Variants in FBXL7 observed in about 807,000 individuals in gnomAD.
FBXL7 encodes the protein F-box/LRR-repeat protein 7.
In FBXL7, 12 loss-of-function variants were observed where a neutral mutation model predicts 38.3. That is an observed-to-expected ratio of 0.31 (90% CI 0.20 to 0.51). The LOEUF (loss-of-function observed/expected upper bound fraction) is 0.51. FBXL7 is among the 20% of genes least tolerant of loss of function. The pLI, the probability that FBXL7 is intolerant of heterozygous loss-of-function variation, is 0.98. For missense variants in FBXL7, 567 were observed against 676.4 expected (o/e 0.84, Z 1.79); for synonymous variants, 297 against 300.9 (o/e 0.99, Z 0.13).
At chr5:15,648,073 G>A (rs1427617432) in intron 2 of FBXL7, among the ~76,000 whole-genome samples, 3 of 152,232 alleles carry the variant, frequency 2.0e-5, no homozygotes, top group Non-Finnish European at 4.4e-5. Context: ...TAATGGAAAC[G>A]TGACATGAGG....
At chr5:15,716,924 G>A (rs960418942) in intron 2 of FBXL7, among the ~76,000 whole-genome samples, 20 of 152,116 alleles carry the variant, frequency 1.3e-4, no homozygotes, top group African/African-American at 4.8e-4. Flanking sequence ...TTTAGAGAAA[G>A]CGGTCTAGTC....
In FBXL7 at chr5:15,733,354, G is replaced by A. The variant is rs185632399; in HGVS notation, c.127+117282G>A. On this transcript the variant is annotated intron_variant, in intron 2 of 3. Coordinates refer to ENST00000504595, the MANE Select transcript of FBXL7 (RefSeq NM_012304.5). The stretch of plus-strand genomic sequence containing the variant: ...GATCCACCCGCCTCAGCCTCCCAAA[G>A]TGCTGGGATTACAGGCGTGAGCCAC... 5.9e-3 allele frequency among the ~76,000 whole-genome samples: 875 copies of A among 148,974 alleles called. 4 individuals carry two copies. The highest frequency in any genetic ancestry group is 0.021 in the African/African-American group (831 of 40,438).
At chr5:15,797,990 C>T (rs529524940) in intron 2 of FBXL7, among the ~76,000 whole-genome samples, 1 of 152,172 alleles carries the variant, frequency 6.6e-6, no homozygotes, top group Admixed American at 6.5e-5. Context: ...GTGGTTCCTC[C>T]CTATTTCTCC....
Position 15,830,448 on chromosome 5 carries a change from T to C in FBXL7, c.128-97442T>C, listed in dbSNP as rs553893036. 9.7e-4 allele frequency among the ~76,000 whole-genome samples: 146 copies of C among 150,922 alleles called. 1 individual carries two copies. The highest frequency in any genetic ancestry group is 2.9e-3 in the African/African-American group (119 of 41,150). On this transcript the variant is annotated intron_variant, in intron 2 of 3. Coordinates refer to ENST00000504595, the MANE Select transcript of FBXL7 (RefSeq NM_012304.5). ...GCAGTGAGCCGAGATCATGCCACTA[T>C]ACTCTAGCCTGGGCGACAGAGTGAG...
chr5:15,740,236 T>G, intron 2 of FBXL7, among the ~76,000 whole-genome samples: 1 of 152,178 alleles, frequency 6.6e-6, no homozygotes, highest in Admixed American at 6.5e-5. Context: ...ATCATTCTCT[T>G]AACTTCTAGC....
intron 2 of FBXL7, among the ~76,000 whole-genome samples, chr5:15,761,671 G>C (rs1389132438): frequency 3.3e-5 from 5 of 152,126 alleles, no homozygotes; most frequent in Admixed American, 2.6e-4. Flanking sequence ...AGCCTCCCAA[G>C]TAGCTGGGAC....
At position 15,906,222 on chromosome 5, in the gene FBXL7, G is replaced by A. The variant is rs1741357116; in HGVS notation, c.128-21668G>A. On this transcript the variant is annotated intron_variant, in intron 2 of 3. Coordinates refer to ENST00000504595, the MANE Select transcript of FBXL7 (RefSeq NM_012304.5). ...TTTTATTGAGGAGCTTTACACATTG[G>A]TCAATGCTATGTTATATAGTTACAT... Among the ~76,000 whole-genome samples, 4 of 151,590 alleles carry A rather than the reference G, an allele frequency of 2.6e-5. No homozygotes were observed. In the South Asian group the frequency reaches 8.3e-4, roughly 32 times the overall value.
chr5:15,684,218 A>G (rs2126613832), intron 2 of FBXL7, among the ~76,000 whole-genome samples: 1 of 152,334 alleles, frequency 6.6e-6, no homozygotes, highest in East Asian at 1.9e-4. Flanking sequence ...TGAACGAACA[A>G]GCCTACGCAC....
chr5:15,889,269 G>A (rs1740806172), intron 2 of FBXL7, among the ~76,000 whole-genome samples: 1 of 152,278 alleles, frequency 6.6e-6, no homozygotes. Context: ...ATTCTCCTCA[G>A]AAGTGATTAC....
chr5:15,937,253 C>T lies in FBXL7; in HGVS notation c.*67C>T, dbSNP rs150550534. 4.6e-5 allele frequency: 66 copies of T among 1,449,120 alleles called. No individual in the cohort carries two copies. The African/African-American group carries it at 5.2e-4, about 12-fold the overall frequency. The allele number at this position is 1,449,120 out of a possible 1,614,324, so 89.8% of individuals were successfully genotyped here. On this transcript the variant is annotated 3_prime_UTR_variant, in exon 4 of 4. Coordinates refer to ENST00000504595, the MANE Select transcript of FBXL7 (RefSeq NM_012304.5). Reference sequence around the variant, plus strand: ...ACAAAGCAAATTTTTTTAAAAGCAGCGTATGTAAGCACCGACACCCACTCA... The same window carrying T: ...ACAAAGCAAATTTTTTTAAAAGCAGTGTATGTAAGCACCGACACCCACTCA...
At chr5:15,897,944 ATGTCACTG>A (rs539743738) in intron 2 of FBXL7, among the ~76,000 whole-genome samples, 79 of 152,366 alleles carry the variant, frequency 5.2e-4, no homozygotes, top group African/African-American at 1.7e-3. Context: ...ATATTTCATA[ATGTCACTG>A]TGACTCCTAC....
At chr5:15,859,298 G>A (rs189648081) in intron 2 of FBXL7, among the ~76,000 whole-genome samples, 16 of 152,282 alleles carry the variant, frequency 1.1e-4, no homozygotes, top group Admixed American at 4.6e-4. Flanking sequence ...CCCCAGTTGA[G>A]ATAAGCATCA....
Position 15,936,630 on chromosome 5 carries a change from G to T in FBXL7, c.920G>T (p.Arg307Leu). Reference sequence around the variant, plus strand: ...CAGCTCACCCACCTCTACCTGCGCCGCTGCGTCCGCCTGACCGACGAAGGC... The same window carrying T: ...CAGCTCACCCACCTCTACCTGCGCCTCTGCGTCCGCCTGACCGACGAAGGC... ...CTQLTHLYLRRCVRLTDEGLR... is the reference protein window; with the variant it reads ...CTQLTHLYLRLCVRLTDEGLR... The change falls in exon 4 of 4, where the codon CGC becomes CTC. Residue 307 changes from arginine (R) to leucine (L), a missense_variant. Physicochemically the swap from Arg to Leu is moderately radical, Grantham distance 102 (BLOSUM62 -2). Coordinates refer to ENST00000504595, the MANE Select transcript of FBXL7 (RefSeq NM_012304.5). This position sits in a 1 kb window ranked among gnomAD's most constrained non-coding sequence, Gnocchi z 6.0. 6.2e-7 allele frequency: 1 copy of T among 1,609,052 alleles called. No homozygotes were observed.
chr5:15,691,902 G>T (rs1743194032), intron 2 of FBXL7, among the ~76,000 whole-genome samples: 1 of 152,304 alleles, frequency 6.6e-6, no homozygotes, highest in East Asian at 1.9e-4. Context: ...GCTGGATTTG[G>T]ATGGTAGAAG....
intron 1 of FBXL7, among the ~76,000 whole-genome samples, chr5:15,539,904 G>T (rs565684205): frequency 6.6e-6 from 1 of 152,082 alleles, no homozygotes; most frequent in Non-Finnish European, 1.5e-5. Flanking sequence ...ATACAAAGTT[G>T]GGCGAAAACC....
At chr5:15,596,571 A>G (rs1437362826) in intron 1 of FBXL7, among the ~76,000 whole-genome samples, 1 of 152,206 alleles carries the variant, frequency 6.6e-6, no homozygotes, top group Non-Finnish European at 1.5e-5. Flanking sequence ...AAAATTTACA[A>G]AGTTGTGCAT....
In FBXL7 at chr5:15,577,594, T is replaced by TTGTG. The variant is rs34405217; in HGVS notation, c.38-38349_38-38346dup. Among the ~76,000 whole-genome samples, 250 of 147,674 alleles carry TTGTG rather than the reference T, an allele frequency of 1.7e-3. 1 individual carries two copies. The highest frequency in any genetic ancestry group is 4.7e-3 in the South Asian group (21 of 4,480). ...ATGAATCATTACTATGTAATGCATT[T>TTGTG]TGTGTGTGTGTGTGTGTGTGTGTGT... On this transcript the variant is annotated intron_variant, in intron 1 of 3. Coordinates refer to ENST00000504595, the MANE Select transcript of FBXL7 (RefSeq NM_012304.5).
intron 2 of FBXL7, among the ~76,000 whole-genome samples, chr5:15,635,913 CTTTTT>C (rs35279060): frequency 7.0e-6 from 1 of 142,496 alleles, no homozygotes; most frequent in Non-Finnish European, 1.5e-5. Flanking sequence ...CATTTTTAGC[CTTTTT>C]TTTTTTTTTC....
intron 2 of FBXL7, among the ~76,000 whole-genome samples, chr5:15,762,051 G>A (rs1406018804): frequency 6.6e-6 from 1 of 152,136 alleles, no homozygotes; most frequent in African/African-American, 2.4e-5. Flanking sequence ...ACTGAGTTGG[G>A]TCCTCAGCTT....
Sources: gnomAD v4.1 joint callset for allele counts (sites outside exome capture counted in the v4.1 genomes callset) on GRCh38, gnomAD v4.1.1 for gene constraint, Gnocchi (gnomAD v3.1) non-coding constraint, MANE v1.5 for transcripts, NCBI Gene and HGNC (gene_info 2026-07-23, HGNC 2026-07-21) for gene names.